The following TRAPPC9 variants were observed in gnomAD, a reference collection of about 807,000 sequenced individuals.
TRAPPC9 encodes trafficking protein particle complex subunit 9.
A neutral mutation model predicts 124.0 loss-of-function variants in TRAPPC9; 83 were observed. That is an observed-to-expected ratio of 0.67 (90% CI 0.56 to 0.80). The LOEUF (loss-of-function observed/expected upper bound fraction) is 0.80. TRAPPC9 is among the 30% of genes least tolerant of loss of function. TRAPPC9 has a pLI of 0.00. For missense variants in TRAPPC9, 1,302 were observed against 1,508.3 expected (o/e 0.86, Z 2.27); for synonymous variants, 638 against 617.5 (o/e 1.03, Z -0.49).
intron 17 of TRAPPC9, among the ~76,000 whole-genome samples, chr8:140,190,608 T>G (rs1004311849): frequency 6.6e-6 from 1 of 152,192 alleles, no homozygotes; most frequent in Non-Finnish European, 1.5e-5. Context: ...GAACCAGATC[T>G]TACTTGAGAA....
In TRAPPC9 at chr8:139,796,261, AAG is replaced by A. The variant is rs539302493; in HGVS notation, c.3056-64061_3056-64060del. 3.7e-3 allele frequency among the ~76,000 whole-genome samples: 571 copies of A among 152,286 alleles called. 3 individuals carry two copies. Among genetic ancestry groups the A allele is most frequent in the African/African-American group, 7.6e-3 (317 of 41,574 alleles). On this transcript the variant is annotated intron_variant, in intron 21 of 22. Transcript: ENST00000438773. ...CATATTCATATAACTCAGTCCATTT[AAG>A]CAGAGCCCTGCTCTGCCCTATCTGA...
intron 18 of TRAPPC9, among the ~76,000 whole-genome samples, chr8:140,006,231 G>T (rs1265410342): frequency 1.3e-5 from 2 of 152,100 alleles, no homozygotes; most frequent in Non-Finnish European, 2.9e-5. Flanking sequence ...TTACATTATT[G>T]AAGACAGTAA....
At chr8:140,418,723 AAGATAGATAGATAGATAGAT>A (rs530951569) in intron 5 of TRAPPC9, among the ~76,000 whole-genome samples, 213 of 141,336 alleles carry the variant, frequency 1.5e-3, no homozygotes, top group African/African-American at 5.1e-3. Flanking sequence ...CCATCTCAAA[AAGATAGATAGATAGATAGAT>A]AGATAGATAG....
At chr8:140,371,913 G>A (rs2068293437) in intron 7 of TRAPPC9, among the ~76,000 whole-genome samples, 2 of 152,172 alleles carry the variant, frequency 1.3e-5, no homozygotes, top group Non-Finnish European at 2.9e-5. Flanking sequence ...ATGTTAACCA[G>A]GCTGGTCTCG....
intron 10 of TRAPPC9, among the ~76,000 whole-genome samples, chr8:140,303,914 C>T (rs1458494947): frequency 6.6e-6 from 1 of 152,080 alleles, no homozygotes; most frequent in Non-Finnish European, 1.5e-5. Flanking sequence ...TGAGCCAAAC[C>T]CAGCAGTAAA....
chr8:139,905,526 C>T (rs1831299818), intron 20 of TRAPPC9, among the ~76,000 whole-genome samples: 1 of 152,132 alleles, frequency 6.6e-6, no homozygotes, highest in African/African-American at 2.4e-5. Context: ...CCCTTGCTGT[C>T]CCCACTTCAT....
rs1271884282 is a variant in TRAPPC9, at chr8:140,397,738, T to C, written c.1016A>G (p.Asn339Ser). ...EAISYYSKYK[N>S]AGVIELEACI... is the part of the protein sequence containing the mutation. ...CGCTTCCAACTCAATCACTCCCGCA[T>C]TCTTATACTGCAGGGTGTAAAGGAA... The change falls in exon 7 of 23, where the codon AAT becomes AGT. Residue 339 changes from asparagine (N) to serine (S), a missense_variant. This residue lies in a region of TRAPPC9 where 657 missense variants were observed against 811.2 expected (regional missense o/e 0.81). Coordinates refer to ENST00000438773, the MANE Select transcript of TRAPPC9 (RefSeq NM_001160372.4). 6.2e-7 allele frequency: 1 copy of C among 1,614,144 alleles called. No individual in the cohort carries two copies. The highest frequency in any genetic ancestry group is 1.7e-5 in the Admixed American group (1 of 60,030).
At chr8:140,427,037 T>G (rs2070448616) in intron 4 of TRAPPC9, among the ~76,000 whole-genome samples, 1 of 151,726 alleles carries the variant, frequency 6.6e-6, no homozygotes, top group South Asian at 2.1e-4. Flanking sequence ...GCAATTCTCC[T>G]GCCTCAGCCT....
chr8:140,253,948 C>T (rs62527492), intron 15 of TRAPPC9, among the ~76,000 whole-genome samples: 12 of 152,054 alleles, frequency 7.9e-5, no homozygotes, highest in Non-Finnish European at 1.5e-4. Context: ...TTTACAGATT[C>T]AATAAAGTAC....
At chr8:140,113,195 G>A (rs888069583) in intron 17 of TRAPPC9, among the ~76,000 whole-genome samples, 2 of 152,192 alleles carry the variant, frequency 1.3e-5, no homozygotes, top group African/African-American at 2.4e-5. Flanking sequence ...GTGAAGTTTC[G>A]ACAAATAGAA....
intron 7 of TRAPPC9, among the ~76,000 whole-genome samples, chr8:140,389,322 T>C (rs2068855180): frequency 6.6e-6 from 1 of 152,202 alleles, no homozygotes; most frequent in Non-Finnish European, 1.5e-5. Flanking sequence ...TCTGAAGGTT[T>C]GAAGTCTTTC....
At chr8:140,188,980 C>T (rs2062416570) in intron 17 of TRAPPC9, among the ~76,000 whole-genome samples, 1 of 147,804 alleles carries the variant, frequency 6.8e-6, no homozygotes, top group African/African-American at 2.4e-5. Context: ...TGTTTCTAAC[C>T]CAGGGGATGG....
At chr8:140,115,016 C>T (rs1397681876) in intron 17 of TRAPPC9, among the ~76,000 whole-genome samples, 1 of 152,130 alleles carries the variant, frequency 6.6e-6, no homozygotes, top group Non-Finnish European at 1.5e-5. Context: ...AGGAAGCCCA[C>T]AATGTAAGCA....
intron 21 of TRAPPC9, among the ~76,000 whole-genome samples, chr8:139,746,143 C>T (rs1384306712): frequency 8.5e-5 from 13 of 152,324 alleles, no homozygotes; most frequent in South Asian, 2.1e-4. Flanking sequence ...GCCGGTGGCA[C>T]CTCAGCTCTG....
intron 3 of TRAPPC9, 92 bp downstream of exon 3, chr8:140,438,960 G>T: frequency 6.5e-7 from 1 of 1,544,728 alleles, no homozygotes; most frequent in Admixed American, 1.7e-5. Flanking sequence ...AAAGTGCTGG[G>T]ATTACAGGCG....
chr8:139,976,387 C>T (rs1173745791), intron 19 of TRAPPC9, among the ~76,000 whole-genome samples: 3 of 152,200 alleles, frequency 2.0e-5, no homozygotes, highest in Non-Finnish European at 4.4e-5. Flanking sequence ...AGGCTTATGA[C>T]ACCAAAGGTA....
At chr8:139,787,954 C>G (rs1394923143) in intron 21 of TRAPPC9, among the ~76,000 whole-genome samples, 1 of 152,178 alleles carries the variant, frequency 6.6e-6, no homozygotes, top group Admixed American at 6.5e-5. Flanking sequence ...CTTTGCAAGG[C>G]ACGGGGTTGT....
chr8:139,836,501 A>G (rs933374046), intron 21 of TRAPPC9, among the ~76,000 whole-genome samples: 1 of 152,222 alleles, frequency 6.6e-6, no homozygotes, highest in African/African-American at 2.4e-5. Context: ...AAGGTTCGGG[A>G]GGGAGGTAGG....
chr8:140,122,889 T>A (rs2061013625), intron 17 of TRAPPC9, among the ~76,000 whole-genome samples: 1 of 152,230 alleles, frequency 6.6e-6, no homozygotes. Flanking sequence ...GTCAGAAACA[T>A]GGGATCCACA....
Sources: allele counts gnomAD v4.1 joint callset (sites outside exome capture counted in the v4.1 genomes callset), GRCh38; gene constraint gnomAD v4.1.1; regional missense constraint gnomAD v4.1.1; transcripts MANE v1.5; gene names NCBI Gene and HGNC (gene_info 2026-07-23, HGNC 2026-07-21).